PHF24: variants seen among roughly 807,000 people sequenced by gnomAD.
PHF24 encodes PHD finger protein 24, also known as Galpha inhibitory interacting protein.
A neutral mutation model predicts 42.6 loss-of-function variants in PHF24; 25 were observed. The observed-to-expected ratio is 0.59, with a 90% CI of 0.43 to 0.82. The LOEUF is 0.82. Among genes scored for constraint, PHF24 ranks in the 40% least tolerant of loss-of-function variants. The probability of loss-of-function intolerance (pLI) is 0.00; values close to 1 mark genes in which losing one functional copy is unlikely to be tolerated. For missense variants in PHF24, 470 were observed against 538.1 expected (o/e 0.87, Z 1.25); for synonymous variants, 185 against 204.8 (o/e 0.90, Z 0.83).
At chr9:34,680,602 G>C in the PHF24 span, among the ~76,000 whole-genome samples, 1 of 144,488 alleles carries the variant, frequency 6.9e-6, no homozygotes, top group African/African-American at 2.5e-5. Context: ...GCAGGAGAAT[G>C]GCGTGAACCC....
the PHF24 span, among the ~76,000 whole-genome samples, chr9:34,720,446 C>T: frequency 1.5e-4 from 20 of 131,414 alleles, no homozygotes; most frequent in East Asian, 3.2e-3. Flanking sequence ...AGCGAGACTC[C>T]GTCTCAAAAA....
the PHF24 span, among the ~76,000 whole-genome samples, chr9:34,939,959 C>A: frequency 6.6e-6 from 1 of 152,162 alleles, no homozygotes; most frequent in Admixed American, 6.5e-5. Context: ...CAGACAAATA[C>A]CGCCACTTTA....
chr9:34,726,081 G>A, the PHF24 span: 1 of 1,500,976 alleles, frequency 6.7e-7, no homozygotes, highest in Admixed American at 2.0e-5. Flanking sequence ...TGCTGACAGT[G>A]GTGTCTTTGT....
At chr9:34,724,812 T>C in the PHF24 span, 7 of 1,551,188 alleles carry the variant, frequency 4.5e-6, no homozygotes, top group African/African-American at 4.1e-5. Flanking sequence ...ATCTCTGTGA[T>C]GACAGATTGG....
the PHF24 span, among the ~76,000 whole-genome samples, chr9:34,757,062 A>G: frequency 6.6e-6 from 1 of 151,728 alleles, no homozygotes; most frequent in Non-Finnish European, 1.5e-5. Flanking sequence ...CCGCCACCAC[A>G]CTTAGGCACT....
the PHF24 span, chr9:34,709,330 G>A: frequency 6.3e-7 from 1 of 1,581,972 alleles, no homozygotes; most frequent in Non-Finnish European, 8.6e-7. Context: ...CTTGCATCTT[G>A]GGTTCAGGCT....
chr9:34,689,662 T>A, the PHF24 span: 1 of 792,046 alleles, frequency 1.3e-6, no homozygotes, highest in Non-Finnish European at 2.1e-6. This position sits in a 1 kb window ranked among gnomAD's most constrained non-coding sequence, Gnocchi z 4.1. Context: ...TCGCTCACAC[T>A]CACACTCACA....
chr9:34,706,012 G>A, the PHF24 span, among the ~76,000 whole-genome samples: 5 of 152,236 alleles, frequency 3.3e-5, no homozygotes, highest in African/African-American at 1.2e-4. Context: ...ATATGATGAA[G>A]AATTTGAAAG....
intron 1 of PHF24, among the ~76,000 whole-genome samples, chr9:34,961,077 C>T (rs1225514367): frequency 6.6e-6 from 1 of 152,168 alleles, no homozygotes; most frequent in Non-Finnish European, 1.5e-5. Context: ...GATAGTAAGA[C>T]CTCCCCAGGC....
At chr9:34,859,608 CTAGTCTACCA>C in the PHF24 span, among the ~76,000 whole-genome samples, 14,053 of 152,154 alleles carry the variant, frequency 0.092, 1,516 homozygotes, top group African/African-American at 0.26. Flanking sequence ...TTTGAGCTTC[CTAGTCTACCA>C]TTTTTCCCTA....
the PHF24 span, among the ~76,000 whole-genome samples, chr9:34,868,684 C>G: frequency 1.3e-5 from 2 of 152,194 alleles, no homozygotes; most frequent in Non-Finnish European, 2.9e-5. Flanking sequence ...ACTTTCACAG[C>G]TACTTATCCT....
the PHF24 span, among the ~76,000 whole-genome samples, chr9:34,872,788 T>G: frequency 6.8e-6 from 1 of 146,252 alleles, no homozygotes; most frequent in East Asian, 2.0e-4. Context: ...CCACACTGAC[T>G]TCCACAATGG....
chr9:34,665,734 C>T, the PHF24 span: 4 of 698,390 alleles, frequency 5.7e-6, no homozygotes, highest in African/African-American at 3.5e-5. Context: ...TCCCCTTCTC[C>T]GTCATTCTCA....
the PHF24 span, among the ~76,000 whole-genome samples, chr9:34,741,905 G>A: frequency 5.9e-5 from 9 of 152,160 alleles, no homozygotes; most frequent in South Asian, 2.1e-4. Flanking sequence ...AAATGGGGGG[G>A]TGGGGAGAGA....
At chr9:34,867,653 C>T in the PHF24 span, among the ~76,000 whole-genome samples, 1 of 152,134 alleles carries the variant, frequency 6.6e-6, no homozygotes, top group Non-Finnish European at 1.5e-5. Flanking sequence ...TGTTAAAAGT[C>T]TCAGGGTTGA....
At chr9:34,863,254 G>A in the PHF24 span, among the ~76,000 whole-genome samples, 1 of 152,122 alleles carries the variant, frequency 6.6e-6, no homozygotes, top group Admixed American at 6.5e-5. Context: ...CCTGCTGATT[G>A]TAGAGCCCTA....
the PHF24 span, among the ~76,000 whole-genome samples, chr9:34,746,683 T>C: frequency 4.3e-4 from 66 of 152,268 alleles, no homozygotes; most frequent in African/African-American, 1.5e-3. Context: ...AAACTGTGAG[T>C]CAGTCTCCTT....
At chr9:34,912,427 G>T in the PHF24 span, among the ~76,000 whole-genome samples, 4 of 152,136 alleles carry the variant, frequency 2.6e-5, no homozygotes, top group Admixed American at 6.6e-5. Flanking sequence ...TGAAAATCCG[G>T]CAGAGGAGAG....
chr9:34,952,890 A>C (rs1826296110), upstream of PHF24, among the ~76,000 whole-genome samples: 1 of 152,262 alleles, frequency 6.6e-6, no homozygotes, highest in Admixed American at 6.5e-5. Context: ...TCTTTTCAAC[A>C]AAGTGTGCTA....
Sources: allele counts gnomAD v4.1 joint callset (sites outside exome capture counted in the v4.1 genomes callset), GRCh38; gene constraint gnomAD v4.1.1; non-coding constraint Gnocchi (gnomAD v3.1); transcripts MANE v1.5; gene names NCBI Gene and HGNC (gene_info 2026-07-23, HGNC 2026-07-21).